The following CACNA1C variants were observed in gnomAD, a reference collection of about 807,000 sequenced individuals.
CACNA1C encodes the protein calcium voltage-gated channel subunit alpha1 C, also known as voltage-dependent L-type calcium channel subunit alpha-1C.
CACNA1C carries 30 observed loss-of-function variants against 229.0 expected under a neutral mutation model. The observed-to-expected ratio is 0.13, with a 90% confidence interval of 0.10 to 0.18. CACNA1C has a LOEUF of 0.18. CACNA1C is among the 10% of genes least tolerant of loss of function. The probability of loss-of-function intolerance (pLI) is 1.00; values close to 1 mark genes in which losing one functional copy is unlikely to be tolerated. For missense variants in CACNA1C, 1,658 were observed against 2,845.0 expected, an observed-to-expected ratio of 0.58 and a Z score of 9.49; for synonymous variants, 1,114 against 1,132.5, an observed-to-expected ratio of 0.98 and a Z score of 0.33.
chr12:2,641,008 T>C (rs953803793), intron 30 of CACNA1C, among the ~76,000 whole-genome samples: 1 of 152,208 alleles, frequency 6.6e-6, no homozygotes. Context: ...CCTTTGTGGC[T>C]GTAACCACGC....
intron 9 of CACNA1C, among the ~76,000 whole-genome samples, chr12:2,546,183 G>T (rs776002687): frequency 3.9e-5 from 6 of 152,038 alleles, no homozygotes; most frequent in Non-Finnish European, 7.4e-5. Context: ...GCAGTGGCTG[G>T]TGTCTTCACA....
intron 1 of CACNA1C, among the ~76,000 whole-genome samples, chr12:2,093,807 CT>C (rs1343238416): frequency 2.6e-5 from 4 of 152,244 alleles, no homozygotes; most frequent in African/African-American, 9.6e-5. Context: ...GAAACCGCCC[CT>C]CTTTCATGAC....
chr12:2,270,340 G>A (rs2084333901), intron 3 of CACNA1C, among the ~76,000 whole-genome samples: 1 of 152,184 alleles, frequency 6.6e-6, no homozygotes, highest in Non-Finnish European at 1.5e-5. Flanking sequence ...TCTGTGAAAT[G>A]TCAGCTTTTT....
intron 7 of CACNA1C, among the ~76,000 whole-genome samples, chr12:2,496,878 C>G (rs1040082263): frequency 2.0e-5 from 3 of 152,148 alleles, no homozygotes; most frequent in Admixed American, 2.0e-4. Flanking sequence ...ACTTCTTAAG[C>G]CAAAGGCTCA....
chr12:2,341,499 G>A (rs2096861463), intron 3 of CACNA1C, among the ~76,000 whole-genome samples: 1 of 148,894 alleles, frequency 6.7e-6, no homozygotes, highest in African/African-American at 2.6e-5. Context: ...AGGCAGTGCT[G>A]TGCGGGCCCT....
Position 2,556,956 on chromosome 12 carries a change from G to T in CACNA1C, c.1487G>T (p.Arg496Leu). 1 of 1,612,648 alleles carries T rather than the reference G, an allele frequency of 6.2e-7. No homozygotes were observed. The highest frequency in any genetic ancestry group is 1.7e-5 in the Admixed American group (1 of 60,008). ...ATTTCCTTTTTCTTTTTCAGCCACC[G>T]GATCTCCAAGTCAAAGTTCAGGTGA... ...GENCGARLAH[R>L]ISKSKFSRYW... is the part of the protein sequence containing the mutation. Residue 496 changes from arginine to leucine, a missense_variant, in exon 11 of 47, where the codon CGG (arginine) becomes CTG (leucine). Physicochemically the swap from Arg to Leu is moderately radical, Grantham distance 102. This residue lies in a region of CACNA1C where 149 missense variants were observed against 194.2 expected (regional missense o/e 0.77). Transcript: ENST00000399655.
Position 2,690,947 on chromosome 12 carries a change from C to T in CACNA1C, c.6165C>T (p.Phe2055=). 1.9e-6 allele frequency: 3 copies of T among 1,596,346 alleles called. No homozygotes were observed. The highest frequency in any genetic ancestry group is 2.6e-6 in the Non-Finnish European group (3 of 1,170,688). ...GGCAGTTTGCTCAAGATCCCAAGTT[C>T]ATCGAGGTCACCACCCAGGAGCTGG... The part of the protein sequence containing the change: ...GLGQFAQDPK[F]IEVTTQELAD... The change falls in exon 47 of 47, where the codon TTC becomes TTT. Residue 2055 remains phenylalanine (F), a synonymous_variant. Coordinates refer to ENST00000399655, the MANE Select transcript of CACNA1C (RefSeq NM_000719.7).
At chr12:2,628,370 C>G (rs1232120040) in intron 29 of CACNA1C, among the ~76,000 whole-genome samples, 1 of 152,196 alleles carries the variant, frequency 6.6e-6, no homozygotes, top group African/African-American at 2.4e-5. Flanking sequence ...CAACCTGCAC[C>G]CTGTCGCCAA....
intron 1 of CACNA1C, among the ~76,000 whole-genome samples, chr12:1,984,422 A>G (rs956362717): frequency 1.3e-5 from 2 of 152,048 alleles, no homozygotes; most frequent in South Asian, 2.1e-4. Flanking sequence ...TACAATATAC[A>G]TATCTAACTT....
chr12:2,463,073 C>T (rs1028518249), intron 5 of CACNA1C, among the ~76,000 whole-genome samples: 7 of 123,928 alleles, frequency 5.6e-5, no homozygotes, highest in Admixed American at 8.5e-5. Context: ...CCACCACGCC[C>T]GGCTAATTTT....
chr12:2,563,331 TGAACATAGGA>T (rs780230522), intron 11 of CACNA1C, among the ~76,000 whole-genome samples: 3 of 152,222 alleles, frequency 2.0e-5, no homozygotes, highest in Admixed American at 6.5e-5. Context: ...AGTGCCGCAG[TGAACATAGGA>T]GAACATAGGA....
intron 3 of CACNA1C, among the ~76,000 whole-genome samples, chr12:2,147,336 A>C (rs1167050783): frequency 6.6e-6 from 1 of 151,462 alleles, no homozygotes; most frequent in African/African-American, 2.4e-5. Flanking sequence ...TGTTTCAGCC[A>C]GGCCAGGCTT....
At position 2,504,251 on chromosome 12, in the gene CACNA1C, C is replaced by G. The variant is rs950749103; in HGVS notation, c.1114-591C>G. ...TTGAGGCAGAGCGGGCCGAGGTCCCCTTCGGTCACAGGAGTTCCTTTGAAC... is the reference window on the plus strand; with the variant it reads ...TTGAGGCAGAGCGGGCCGAGGTCCCGTTCGGTCACAGGAGTTCCTTTGAAC... On this transcript the variant is annotated intron_variant, in intron 7 of 46. Transcript: ENST00000399655. This position sits in a 1 kb window ranked among gnomAD's most constrained non-coding sequence, Gnocchi z 6.8. Among the ~76,000 whole-genome samples, 3 of 152,128 alleles carry G rather than the reference C, an allele frequency of 2.0e-5. No homozygotes were observed. The highest frequency in any genetic ancestry group is 2.9e-5 in the Non-Finnish European group (2 of 68,034).
At chr12:2,121,157 A>G (rs950250964) in intron 3 of CACNA1C, among the ~76,000 whole-genome samples, 6 of 152,238 alleles carry the variant, frequency 3.9e-5, no homozygotes, top group African/African-American at 1.4e-4. Flanking sequence ...AAAGGCATGC[A>G]GGGAAAATCC....
At chr12:2,469,248 G>A (rs1348682790) in intron 5 of CACNA1C, among the ~76,000 whole-genome samples, 2 of 152,186 alleles carry the variant, frequency 1.3e-5, no homozygotes, top group Non-Finnish European at 2.9e-5. Flanking sequence ...TGTGGCAGCA[G>A]CAGATGATAT....
chr12:2,360,332 G>A (rs2097528305), intron 3 of CACNA1C, among the ~76,000 whole-genome samples: 1 of 152,162 alleles, frequency 6.6e-6, no homozygotes, highest in Non-Finnish European at 1.5e-5. Flanking sequence ...CACTGCCCGG[G>A]AGCTGCTCAG....
chr12:2,667,004 T>A (rs1256011114), intron 37 of CACNA1C, among the ~76,000 whole-genome samples: 1 of 152,164 alleles, frequency 6.6e-6, no homozygotes, highest in East Asian at 1.9e-4. Context: ...AAAGGACTTG[T>A]TCAGTCCATC....
chr12:2,459,888 G>A (rs1397300232), intron 5 of CACNA1C, among the ~76,000 whole-genome samples: 1 of 152,188 alleles, frequency 6.6e-6, no homozygotes, highest in Non-Finnish European at 1.5e-5. Context: ...AGGGGTATTA[G>A]GACGTATCAT....
intron 3 of CACNA1C, among the ~76,000 whole-genome samples, chr12:2,208,203 C>T (rs766257359): frequency 2.0e-5 from 3 of 152,144 alleles, no homozygotes; most frequent in Admixed American, 6.5e-5. Context: ...AAGCGGAAAA[C>T]GTAGCATGAT....
Sources: gnomAD v4.1 joint callset for allele counts (sites outside exome capture counted in the v4.1 genomes callset) on GRCh38, gnomAD v4.1.1 for gene constraint, gnomAD v4.1.1 regional missense constraint, Gnocchi (gnomAD v3.1) non-coding constraint, MANE v1.5 for transcripts, NCBI Gene and HGNC (gene_info 2026-07-23, HGNC 2026-07-21) for gene names.